Variants in TBC1D17 observed in about 807,000 individuals in gnomAD.
TBC1D17 encodes TBC1 domain family, member 17.
In TBC1D17, 69 loss-of-function variants were observed where a neutral mutation model predicts 78.8. The ratio of observed to expected loss-of-function variants is 0.88; its 90% confidence interval spans 0.72 to 1.07. The LOEUF is 1.07. Ranked by LOEUF, TBC1D17 falls within the 50% of genes least tolerant of loss-of-function variation. The probability of loss-of-function intolerance (pLI) is 0.00; values close to 1 mark genes in which losing one functional copy is unlikely to be tolerated. For missense variants in TBC1D17, 957 were observed against 861.0 expected (o/e 1.11, Z -1.39); for synonymous variants, 456 against 358.3 (o/e 1.27, Z -3.08).
intron 4 of TBC1D17, 97 bp from the exon 5 acceptor site, chr19:49,881,171 A>C: frequency 1.9e-6 from 2 of 1,074,410 alleles, no homozygotes; most frequent in Non-Finnish European, 2.6e-6. Context: ...CGGGGCCCTC[A>C]GGAGATGCCT....
intron 3 of TBC1D17, 34 bp downstream of exon 3, chr19:49,878,606 C>CT (rs748149176): frequency 3.1e-6 from 5 of 1,603,926 alleles, no homozygotes; most frequent in South Asian, 1.1e-5. Flanking sequence ...TCTCCACTCG[C>CT]TTTTTTTCTA....
Position 49,882,279 on chromosome 19 carries a change from G to C in TBC1D17, c.677G>C (p.Ser226Thr). The change falls in exon 7 of 17, where the codon AGC (serine) becomes ACC (threonine). Residue 226 changes from serine (S) to threonine (T), a missense_variant. Transcript: ENST00000221543. ...LQDPYSTTFSSFSRVTNFFRG... is the reference protein window; with the variant it reads ...LQDPYSTTFSTFSRVTNFFRG... ...GATCCCTACTCCACCACCTTCAGCAGCTTCTCCCGAGTGACCAACTTCTTC... is the reference window on the plus strand; with the variant it reads ...GATCCCTACTCCACCACCTTCAGCACCTTCTCCCGAGTGACCAACTTCTTC... The C allele has an allele frequency of 1.9e-6, 3 of 1,612,260 alleles. No homozygotes were observed. The highest frequency in any genetic ancestry group is 2.5e-6 in the Non-Finnish European group (3 of 1,179,994).
chr19:49,881,677 T>C (rs764885546), intron 5 of TBC1D17, among the ~76,000 whole-genome samples: 4 of 152,234 alleles, frequency 2.6e-5, no homozygotes, highest in Non-Finnish European at 5.9e-5. Context: ...GAAACAGTTA[T>C]CCTTTTTCCC....
Position 49,878,509 on chromosome 19 carries a change from C to T in TBC1D17, c.132C>T (p.Val44=), listed in dbSNP as rs147215692. 2.7e-4 allele frequency: 432 copies of T among 1,614,122 alleles called. 1 individual carries two copies. The African/African-American group carries it at 4.5e-3, about 17-fold the overall frequency. The part of the protein sequence containing the change: ...VIRVVEKDND[V]LLHWAPVEEA... ...CCTCCTTACCCTAGGACAATGACGT[C>T]CTCCTGCACTGGGCTCCTGTAGAGG... The change falls in exon 3 of 17, where the codon GTC becomes GTT. Residue 44 remains valine, a synonymous_variant. Transcript: ENST00000221543.
At chr19:49,882,513 C>T in intron 7 of TBC1D17, 113 bp downstream of exon 7, 2 of 1,479,508 alleles carry the variant, frequency 1.4e-6, no homozygotes, top group Non-Finnish European at 1.8e-6. Context: ...GGTAATGGGA[C>T]ACCCTCAGGG....
intron 1 of TBC1D17, 35 bp downstream of exon 1, chr19:49,877,779 T>A (rs766197341): frequency 3.9e-5 from 62 of 1,573,450 alleles, no homozygotes; most frequent in Non-Finnish European, 4.9e-5. Context: ...CGCTTCAGTG[T>A]ATGCGAAACG....
At chr19:49,887,292 G>C (rs1218764889) in intron 13 of TBC1D17, 184 bp from the exon 14 acceptor site, 1 of 614,996 alleles carries the variant, frequency 1.6e-6, no homozygotes, top group African/African-American at 1.8e-5. Context: ...CACTTCCTCT[G>C]GAGAGTGGGA....
At chr19:49,881,922 G>C (rs2075017691) in intron 5 of TBC1D17, 119 bp from the exon 6 acceptor site, 1 of 844,680 alleles carries the variant, frequency 1.2e-6, no homozygotes, top group Non-Finnish European at 1.9e-6. Context: ...CCTGAAATGA[G>C]GGGTTGCCCA....
chr19:49,881,943 G>A (rs1451495563), intron 5 of TBC1D17, 98 bp from the exon 6 acceptor site: 2 of 1,063,522 alleles, frequency 1.9e-6, no homozygotes, highest in African/African-American at 1.6e-5. Flanking sequence ...GGGGTGGTTG[G>A]GACGCTGCAG....
chr19:49,882,542 T>A, intron 7 of TBC1D17, 142 bp downstream of exon 7: 1 of 1,384,048 alleles, frequency 7.2e-7, no homozygotes, highest in Non-Finnish European at 9.6e-7. Flanking sequence ...AGGAAAGCGC[T>A]CATGGCTCTG....
chr19:49,886,434 G>T (rs2075059046), intron 13 of TBC1D17: 1 of 152,170 alleles, frequency 6.6e-6, no homozygotes, highest in Non-Finnish European at 1.5e-5. Flanking sequence ...CTAAGCCATA[G>T]AAAAGCATCA....
intron 1 of TBC1D17, 139 bp downstream of exon 1, chr19:49,877,883 C>T (rs1185874578): frequency 2.7e-6 from 3 of 1,093,648 alleles, no homozygotes; most frequent in African/African-American, 1.6e-5. Context: ...CGCGCCGTCA[C>T]CCTCCCGTCC....
chr19:49,885,530 A>G (rs1263960407), intron 13 of TBC1D17: 1 of 150,666 alleles, frequency 6.6e-6, no homozygotes, highest in African/African-American at 2.4e-5. Flanking sequence ...AAGAAGAAAA[A>G]GTAAGGCTGG....
At position 49,888,625 on chromosome 19, in the gene TBC1D17, C is replaced by T. The variant is rs943207283; in HGVS notation, c.*1C>T. 5.9e-5 allele frequency: 90 copies of T among 1,513,558 alleles called. No individual in the cohort carries two copies. The highest frequency in any genetic ancestry group is 1.4e-4 in the Admixed American group (7 of 49,662). The allele number at this position is 1,513,558 out of a possible 1,614,324, so 93.8% of individuals were successfully genotyped here. A position where few individuals can be genotyped will look rare whatever the true frequency, so the allele number is the denominator to read the frequency against. On this transcript the variant is annotated 3_prime_UTR_variant, in exon 17 of 17. Coordinates refer to ENST00000221543, the MANE Select transcript of TBC1D17 (RefSeq NM_024682.3). ...GGAGGACGAGGGCGCCGACTCCTAACCCCGCCAGGCAGCCTCGTTCTGCAC... is the reference window on the plus strand; with the variant it reads ...GGAGGACGAGGGCGCCGACTCCTAATCCCGCCAGGCAGCCTCGTTCTGCAC...
At chr19:49,882,188 G>T in intron 6 of TBC1D17, 36 bp downstream of exon 6, 1 of 1,613,558 alleles carries the variant, frequency 6.2e-7, no homozygotes, top group Non-Finnish European at 8.5e-7. Flanking sequence ...GCGGGTGTGG[G>T]CAGGGAGGGA....
In TBC1D17 at chr19:49,880,477, C is replaced by G. The variant is rs867969532; in HGVS notation, c.319+75C>G. On this transcript the variant is annotated intron_variant, in intron 4 of 16. Coordinates refer to ENST00000221543, the MANE Select transcript of TBC1D17 (RefSeq NM_024682.3). ...ACATCTTGCCCTCAGTGGTCACGGT[C>G]CCAAGGGCTTTGCTGCCCACAATCA... The G allele has an allele frequency of 9.3e-5, 145 of 1,552,882 alleles. No individual in the cohort carries two copies. The Middle Eastern group carries it at 2.1e-3, about 23-fold the overall frequency.
intron 3 of TBC1D17, among the ~76,000 whole-genome samples, chr19:49,879,849 CTTTTTT>C (rs35413614): frequency 1.7e-5 from 2 of 119,426 alleles, no homozygotes; most frequent in Non-Finnish European, 1.8e-5. Flanking sequence ...TTTCTTTTTT[CTTTTTT>C]TTTTTTTTTT....
Position 49,888,612 on chromosome 19 carries a change from C to T in TBC1D17, c.1935C>T (p.Gly645=). The T allele has an allele frequency of 2.0e-6, 3 of 1,519,414 alleles. No homozygotes were observed. The highest frequency in any genetic ancestry group is 2.6e-6 in the Non-Finnish European group (3 of 1,136,064). 94.1% of individuals were successfully genotyped at this position (1,519,414 alleles called of 1,614,324 possible). A position where few individuals can be genotyped will look rare whatever the true frequency, so the allele number is the denominator to read the frequency against. ...LEILPEEEDE[G]ADS ...TCCTGCCCGAGGAGGAGGACGAGGG[C>T]GCCGACTCCTAACCCCGCCAGGCAG... The change falls in exon 17 of 17, where the codon GGC becomes GGT. Residue 645 remains glycine (G), a synonymous_variant. Coordinates refer to ENST00000221543, the MANE Select transcript of TBC1D17 (RefSeq NM_024682.3).
chr19:49,878,528 G>A lies in TBC1D17; in HGVS notation c.151G>A (p.Val51Ile), dbSNP rs534507894. 6.2e-7 allele frequency: 1 copy of A among 1,614,170 alleles called. No individual in the cohort carries two copies. The highest frequency in any genetic ancestry group is 1.6e-4 in the Middle Eastern group (1 of 6,062). Reference sequence around the variant, plus strand: ...TGACGTCCTCCTGCACTGGGCTCCTGTAGAGGAGGCTGGAGATTCCACCCA... The same window carrying A: ...TGACGTCCTCCTGCACTGGGCTCCTATAGAGGAGGCTGGAGATTCCACCCA... ...DNDVLLHWAP[V>I]EEAGDSTQIL... The change falls in exon 3 of 17, where the codon GTA becomes ATA. Residue 51 changes from valine (V) to isoleucine (I), a missense_variant. Physicochemically the swap from Val to Ile is conservative, Grantham distance 29 (BLOSUM62 3). Transcript: ENST00000221543.
Sources: allele counts gnomAD v4.1 joint callset (sites outside exome capture counted in the v4.1 genomes callset), GRCh38; gene constraint gnomAD v4.1.1; transcripts MANE v1.5; gene names NCBI Gene and HGNC (gene_info 2026-07-23, HGNC 2026-07-21).